Variants in PRKAR1A observed in about 807,000 individuals in gnomAD.
PRKAR1A encodes protein kinase cAMP-dependent type I regulatory subunit alpha, also known as cAMP-dependent protein kinase type I-alpha regulatory subunit.
Under a neutral mutation model 52.0 loss-of-function variants are expected in PRKAR1A, and 3 were observed. That is an observed-to-expected ratio of 0.06 (90% CI 0.03 to 0.15). The LOEUF is 0.15. PRKAR1A is among the 10% of genes least tolerant of loss of function. The pLI, the probability that PRKAR1A is intolerant of heterozygous loss-of-function variation, is 1.00. For missense variants in PRKAR1A, 240 were observed against 477.4 expected, an observed-to-expected ratio of 0.50 and a Z score of 4.63; for synonymous variants, 188 against 168.4, an observed-to-expected ratio of 1.12 and a Z score of -0.90.
chr17:68,536,110 C>CA, downstream of PRKAR1A: 1 of 454,116 alleles, frequency 2.2e-6, no homozygotes, highest in South Asian at 1.6e-5. Flanking sequence ...GCATACCAGT[C>CA]ATGTGGGGGT....
chr17:68,491,707 T>G, the PRKAR1A span, among the ~76,000 whole-genome samples: 210 of 152,026 alleles, frequency 1.4e-3, no homozygotes, highest in Admixed American at 1.9e-3. Flanking sequence ...AGTAGCAACC[T>G]CTGGAGGACT....
upstream of PRKAR1A, among the ~76,000 whole-genome samples, chr17:68,508,168 G>A (rs1433814092): frequency 6.6e-6 from 1 of 152,124 alleles, no homozygotes; most frequent in Non-Finnish European, 1.5e-5. Context: ...GACCTGCCCT[G>A]CAGATTTTGG....
In PRKAR1A at chr17:68,525,024, A is replaced by G. The variant is rs369190210; in HGVS notation, c.549+66A>G. 412 of 1,313,900 alleles carry G rather than the reference A, an allele frequency of 3.1e-4. 1 individual carries two copies. Among genetic ancestry groups the G allele is most frequent in the Non-Finnish European group, 4.0e-4 (363 of 911,118 alleles). The allele number at this position is 1,313,900 out of a possible 1,614,324, so 81.4% of individuals were successfully genotyped here. ...CCAATGTATTGATCGCTTCCGAGCAATAAGAATAGTGATTTTGAAGGGTCA... is the reference window on the plus strand; with the variant it reads ...CCAATGTATTGATCGCTTCCGAGCAGTAAGAATAGTGATTTTGAAGGGTCA... On this transcript the variant is annotated intron_variant, in intron 6 of 10. Transcript: ENST00000589228.
the PRKAR1A span, chr17:68,436,506 A>G: frequency 2.5e-6 from 4 of 1,605,626 alleles, no homozygotes; most frequent in Non-Finnish European, 3.4e-6. Flanking sequence ...AGAACATGAG[A>G]AGCCTGGGGC....
rs369571869 is a variant in PRKAR1A at position 68,542,679 on chromosome 17, G to T, written c.974-8405G>T. On this transcript the variant is annotated intron_variant, in intron 11 of 11. Coordinates refer to the PRKAR1A transcript ENST00000585981. ...TCTACTCAGACCCGGAATATCACTCGGGCCAGTACTCTACCTGGAGAGACA... is the reference window on the plus strand; with the variant it reads ...TCTACTCAGACCCGGAATATCACTCTGGCCAGTACTCTACCTGGAGAGACA... 41 of 1,590,412 alleles carry T rather than the reference G, an allele frequency of 2.6e-5. No homozygotes were observed. In the African/African-American group the frequency reaches 5.2e-4, roughly 20 times the overall value.
chr17:68,543,655 A>C (rs754525749), intron 11 of PRKAR1A: 1 of 1,613,870 alleles, frequency 6.2e-7, no homozygotes, highest in African/African-American at 1.3e-5. Flanking sequence ...CTGCGATCTC[A>C]GCATTGTGTC....
At chr17:68,524,649 C>T (rs1440737077) in intron 5 of PRKAR1A, among the ~76,000 whole-genome samples, 1 of 150,476 alleles carries the variant, frequency 6.6e-6, no homozygotes, top group African/African-American at 2.5e-5. Context: ...GTTATAAATG[C>T]CATAGCAGTT....
chr17:68,467,385 A>G, the PRKAR1A span, among the ~76,000 whole-genome samples: 1 of 152,212 alleles, frequency 6.6e-6, no homozygotes, highest in African/African-American at 2.4e-5. Context: ...ATAGCAGCAT[A>G]CAGGGACTCC....
At chr17:68,420,840 C>T in the PRKAR1A span, 1 of 208,298 alleles carries the variant, frequency 4.8e-6, no homozygotes, top group Non-Finnish European at 9.7e-6. Flanking sequence ...ACATTCAATA[C>T]ATTTTAGTTT....
At chr17:68,420,580 T>C in the PRKAR1A span, 3 of 1,270,812 alleles carry the variant, frequency 2.4e-6, no homozygotes, top group Non-Finnish European at 3.3e-6. Flanking sequence ...GAGTTTAGTT[T>C]TGGAGTTAGC....
At chr17:68,443,593 G>A in the PRKAR1A span, among the ~76,000 whole-genome samples, 1 of 152,172 alleles carries the variant, frequency 6.6e-6, no homozygotes, top group Admixed American at 6.5e-5. Context: ...AGCCAACCCT[G>A]GGAGATGGGT....
At chr17:68,426,822 A>G in the PRKAR1A span, among the ~76,000 whole-genome samples, 1 of 152,234 alleles carries the variant, frequency 6.6e-6, no homozygotes, top group Non-Finnish European at 1.5e-5. Flanking sequence ...GGTGTGAGCC[A>G]ATGTGCCTGG....
downstream of PRKAR1A, chr17:68,535,433 C>G: frequency 2.2e-6 from 1 of 454,046 alleles, no homozygotes; most frequent in Non-Finnish European, 4.4e-6. Context: ...GCCTGCTTTC[C>G]TGAGAGTCTT....
At chr17:68,423,658 G>A in the PRKAR1A span, among the ~76,000 whole-genome samples, 2 of 152,150 alleles carry the variant, frequency 1.3e-5, no homozygotes, top group Non-Finnish European at 2.9e-5. This position sits in a 1 kb window ranked among gnomAD's most constrained non-coding sequence, Gnocchi z 4.4. Context: ...CTCATGCCCA[G>A]CTTCCTGGCA....
At chr17:68,474,164 T>C in the PRKAR1A span, among the ~76,000 whole-genome samples, 1 of 152,236 alleles carries the variant, frequency 6.6e-6, no homozygotes, top group Non-Finnish European at 1.5e-5. Flanking sequence ...ATGTGTATTA[T>C]ACATAGCTAT....
intron 2 of PRKAR1A, among the ~76,000 whole-genome samples, chr17:68,517,351 G>A (rs939093463): frequency 3.3e-5 from 5 of 152,164 alleles, no homozygotes; most frequent in Admixed American, 6.5e-5. Context: ...CCGTTGTCAT[G>A]CTGCTAATAA....
At chr17:68,541,034 T>G in intron 11 of PRKAR1A, 2 of 1,471,820 alleles carry the variant, frequency 1.4e-6, no homozygotes, top group Non-Finnish European at 1.8e-6. Flanking sequence ...CACCTCCCCC[T>G]GCCCCCCCAA....
the PRKAR1A span, among the ~76,000 whole-genome samples, chr17:68,449,292 T>C: frequency 6.6e-6 from 1 of 152,250 alleles, no homozygotes; most frequent in Non-Finnish European, 1.5e-5. Flanking sequence ...CTGCCTTTTC[T>C]ACCAGGTCGT....
At chr17:68,523,160 A>C (rs973271763) in intron 3 of PRKAR1A, among the ~76,000 whole-genome samples, 2 of 152,196 alleles carry the variant, frequency 1.3e-5, no homozygotes, top group Non-Finnish European at 2.9e-5. Context: ...ATTTCCTTGC[A>C]GTTGTTTTGC....
Sources: allele counts gnomAD v4.1 joint callset (sites outside exome capture counted in the v4.1 genomes callset), GRCh38; gene constraint gnomAD v4.1.1; non-coding constraint Gnocchi (gnomAD v3.1); transcripts MANE v1.5; gene names NCBI Gene and HGNC (gene_info 2026-07-23, HGNC 2026-07-21).